SGCD: variants seen among roughly 807,000 people sequenced by gnomAD.
SGCD encodes delta-sarcoglycan.
SGCD carries 18 observed loss-of-function variants against 36.6 expected under a neutral mutation model. The observed-to-expected ratio is 0.49, with a 90% CI of 0.34 to 0.73. The LOEUF is 0.73. SGCD is among the 30% of genes least tolerant of loss of function. The pLI is 0.01. For synonymous variants in SGCD, 133 were observed against 130.6 expected (o/e 1.02, Z -0.12); for missense variants, 387 against 346.7 (o/e 1.12, Z -0.92).
chr5:156,266,987 T>C (rs1165172856), intron 3 of SGCD, among the ~76,000 whole-genome samples: 1 of 152,168 alleles, frequency 6.6e-6, no homozygotes, highest in Non-Finnish European at 1.5e-5. Flanking sequence ...TCAGATTTAG[T>C]ATAAAGCTTT....
chr5:156,398,753 A>C (rs1291780791), intron 3 of SGCD, among the ~76,000 whole-genome samples: 1 of 152,144 alleles, frequency 6.6e-6, no homozygotes, highest in Non-Finnish European at 1.5e-5. Context: ...TTTCTCTTCA[A>C]ACTTAACTGG....
intron 1 of SGCD, among the ~76,000 whole-genome samples, chr5:155,922,855 A>G (rs1756916264): frequency 2.0e-5 from 3 of 152,210 alleles, no homozygotes; most frequent in South Asian, 2.1e-4. Flanking sequence ...GAGAAGACCA[A>G]TAAATCACCA....
chr5:156,550,410 G>A (rs1758745034), intron 4 of SGCD, among the ~76,000 whole-genome samples: 1 of 152,214 alleles, frequency 6.6e-6, no homozygotes, highest in Non-Finnish European at 1.5e-5. Flanking sequence ...ACACTTCTGC[G>A]ATAAGCTGTA....
At chr5:156,676,274 C>A (rs1753504504) in intron 7 of SGCD, among the ~76,000 whole-genome samples, 1 of 152,130 alleles carries the variant, frequency 6.6e-6, no homozygotes, top group African/African-American at 2.4e-5. Flanking sequence ...GTTGTTGCCA[C>A]AGAACTCCTG....
At chr5:156,565,059 T>A (rs565393942) in intron 4 of SGCD, among the ~76,000 whole-genome samples, 1 of 152,340 alleles carries the variant, frequency 6.6e-6, no homozygotes, top group South Asian at 2.1e-4. Context: ...AACTGACTTA[T>A]TTAAATTAAC....
intron 3 of SGCD, among the ~76,000 whole-genome samples, chr5:156,499,252 T>C (rs927994564): frequency 3.3e-5 from 5 of 152,190 alleles, no homozygotes; most frequent in African/African-American, 1.2e-4. Flanking sequence ...CTAACGCGTA[T>C]GGAAATGGTA....
intron 3 of SGCD, chr5:156,393,628 C>A (rs1561666916): frequency 9.5e-6 from 4 of 422,806 alleles, no homozygotes; most frequent in Non-Finnish European, 1.9e-5. Context: ...TTGAAATTGG[C>A]CATAGTGAGA....
rs1761711280 is a variant in SGCD at position 156,108,739 on chromosome 5, A to T, written c.-281-9139A>T. On this transcript the variant is annotated intron_variant, in intron 1 of 9. Coordinates refer to the SGCD transcript ENST00000517913. Reference sequence around the variant, plus strand: ...CATTTGGTGGAGTTGTAGGTCTACAATGATCAGTAGAAACTCATGGATAAG... The same window carrying T: ...CATTTGGTGGAGTTGTAGGTCTACATTGATCAGTAGAAACTCATGGATAAG... Among the ~76,000 whole-genome samples the T allele has an allele frequency of 2.0e-5, 3 of 152,126 alleles. No individual in the cohort carries two copies. In the South Asian group the frequency reaches 6.2e-4, roughly 31 times the overall value.
chr5:156,444,146 TTCTC>T (rs1753654936), intron 3 of SGCD, among the ~76,000 whole-genome samples: 1 of 50,098 alleles, frequency 2.0e-5, no homozygotes, highest in Non-Finnish European at 4.0e-5. Flanking sequence ...CTCCTTCCCT[TTCTC>T]TCTCTCCTTC....
intron 7 of SGCD, among the ~76,000 whole-genome samples, chr5:156,740,089 C>G (rs1003443394): frequency 1.3e-5 from 2 of 152,170 alleles, no homozygotes; most frequent in Non-Finnish European, 2.9e-5. Flanking sequence ...AAAATGATGT[C>G]ATAATTTTAT....
the SGCD span, among the ~76,000 whole-genome samples, chr5:155,800,432 T>C: frequency 1.3e-5 from 2 of 152,228 alleles, no homozygotes; most frequent in Non-Finnish European, 2.9e-5. Context: ...TGGGGAATTA[T>C]ATCTTGGCTG....
Position 156,675,930 on chromosome 5 carries a change from C to A in SGCD, c.575+28394C>A, listed in dbSNP as rs371919516. 1.8e-4 allele frequency among the ~76,000 whole-genome samples: 27 copies of A among 152,220 alleles called. No individual in the cohort carries two copies. The East Asian group carries it at 2.1e-3, about 12-fold the overall frequency. Reference sequence around the variant, plus strand: ...AAATCAAGCTCCTTAGAGAATCAGACCAAGCAGAAAATCTCAGAAACAAGA... The same window carrying A: ...AAATCAAGCTCCTTAGAGAATCAGAACAAGCAGAAAATCTCAGAAACAAGA... On this transcript the variant is annotated intron_variant, in intron 7 of 8. Coordinates refer to ENST00000337851, the MANE Select transcript of SGCD (RefSeq NM_000337.6).
intron 7 of SGCD, among the ~76,000 whole-genome samples, chr5:156,686,238 A>T (rs74809905): frequency 0.017 from 2,663 of 152,262 alleles, 33 homozygotes; most frequent in Non-Finnish European, 0.029. Context: ...ATCCAAGGTC[A>T]TATTGCATGT....
the SGCD span, among the ~76,000 whole-genome samples, chr5:155,737,266 T>A: frequency 6.6e-6 from 1 of 152,210 alleles, no homozygotes; most frequent in Admixed American, 6.5e-5. Context: ...CATCAGTATA[T>A]ACCCCACATG....
At chr5:156,718,519 C>T (rs1755328699) in intron 7 of SGCD, among the ~76,000 whole-genome samples, 1 of 152,034 alleles carries the variant, frequency 6.6e-6, no homozygotes, top group African/African-American at 2.4e-5. Context: ...GTGGCTCACA[C>T]CTGTAATCCC....
intron 3 of SGCD, among the ~76,000 whole-genome samples, chr5:156,384,915 T>C (rs988394985): frequency 6.6e-6 from 1 of 152,146 alleles, no homozygotes; most frequent in Admixed American, 6.5e-5. Context: ...GCAGTTCTCA[T>C]ATGACCTAGG....
intron 1 of SGCD, among the ~76,000 whole-genome samples, chr5:155,990,676 T>G (rs1398847042): frequency 6.6e-6 from 1 of 152,226 alleles, no homozygotes; most frequent in East Asian, 1.9e-4. Flanking sequence ...TTAATGGGAT[T>G]GATTTATTTA....
At chr5:156,284,258 T>G (rs1437882691) in intron 3 of SGCD, among the ~76,000 whole-genome samples, 1 of 152,180 alleles carries the variant, frequency 6.6e-6, no homozygotes, top group Non-Finnish European at 1.5e-5. Context: ...GAGGAGCTGG[T>G]ACCATTCCTT....
At chr5:156,136,777 T>C (rs946445177) in intron 3 of SGCD, among the ~76,000 whole-genome samples, 2 of 152,178 alleles carry the variant, frequency 1.3e-5, no homozygotes, top group Non-Finnish European at 2.9e-5. Flanking sequence ...AGCTATAGGA[T>C]TGAACTCAAG....
Sources: allele counts gnomAD v4.1 joint callset (sites outside exome capture counted in the v4.1 genomes callset), GRCh38; gene constraint gnomAD v4.1.1; transcripts MANE v1.5; gene names NCBI Gene and HGNC (gene_info 2026-07-23, HGNC 2026-07-21).